Variants in TTC28 observed in about 807,000 individuals in gnomAD.
The protein encoded by TTC28 is tetratricopeptide repeat protein 28.
In TTC28, 61 loss-of-function variants were observed where a neutral mutation model predicts 198.0. That is an observed-to-expected ratio of 0.31 (90% CI 0.25 to 0.38). The LOEUF (loss-of-function observed/expected upper bound fraction) is 0.38. Ranked by LOEUF, TTC28 falls within the 10% of genes least tolerant of loss-of-function variation. The probability of loss-of-function intolerance (pLI) is 1.00; values close to 1 mark genes in which losing one functional copy is unlikely to be tolerated. For missense variants in TTC28, 2,678 were observed against 3,164.0 expected (o/e 0.85, Z 3.69); for synonymous variants, 1,171 against 1,297.8 (o/e 0.90, Z 2.10).
chr22:28,119,686 C>A (rs536863928), intron 6 of TTC28, among the ~76,000 whole-genome samples: 2 of 152,282 alleles, frequency 1.3e-5, no homozygotes, highest in Admixed American at 1.3e-4. Flanking sequence ...GTGGGAAAAT[C>A]CTACACAATG....
At chr22:28,236,101 A>G (rs534566761) in intron 5 of TTC28, among the ~76,000 whole-genome samples, 2 of 152,280 alleles carry the variant, frequency 1.3e-5, no homozygotes, top group South Asian at 4.1e-4. Flanking sequence ...GATTACATGG[A>G]AGCAACATCT....
chr22:28,591,616 T>C (rs2050436965), intron 2 of TTC28, among the ~76,000 whole-genome samples: 1 of 152,282 alleles, frequency 6.6e-6, no homozygotes, highest in Middle Eastern at 3.4e-3. Flanking sequence ...GTTATAAAAA[T>C]AGTACAAAGG....
intron 2 of TTC28, among the ~76,000 whole-genome samples, chr22:28,504,902 T>TA (rs2048586929): frequency 1.3e-5 from 2 of 152,212 alleles, no homozygotes; most frequent in Non-Finnish European, 2.9e-5. Context: ...AATTCTTTTT[T>TA]TATATATATT....
intron 2 of TTC28, among the ~76,000 whole-genome samples, chr22:28,378,658 C>CAAA (rs879547968): frequency 1.4e-5 from 2 of 139,820 alleles, no homozygotes; most frequent in Non-Finnish European, 3.1e-5. Flanking sequence ...AAAACAACAA[C>CAAA]AAAAAAAAAA....
chr22:28,536,057 G>T (rs1293138059), intron 2 of TTC28, among the ~76,000 whole-genome samples: 1 of 150,606 alleles, frequency 6.6e-6, no homozygotes, highest in African/African-American at 2.4e-5. Context: ...AATTAGCTTG[G>T]CTTGGTGGCG....
At chr22:28,329,912 C>T (rs2045589125) in intron 2 of TTC28, among the ~76,000 whole-genome samples, 1 of 152,188 alleles carries the variant, frequency 6.6e-6, no homozygotes, top group Admixed American at 6.6e-5. Context: ...CTCTCTTCTC[C>T]TGACAATTTG....
At chr22:28,266,240 G>T (rs1438163262) in intron 5 of TTC28, among the ~76,000 whole-genome samples, 2 of 151,580 alleles carry the variant, frequency 1.3e-5, no homozygotes, top group Non-Finnish European at 2.9e-5. Flanking sequence ...GTATGAAAAA[G>T]TTAGCTAAGC....
At chr22:28,170,381 C>T (rs1428203631) in intron 5 of TTC28, among the ~76,000 whole-genome samples, 2 of 150,532 alleles carry the variant, frequency 1.3e-5, no homozygotes, top group Admixed American at 6.6e-5. Context: ...CCCACCTACT[C>T]GGGAGGCTGA....
intron 2 of TTC28, among the ~76,000 whole-genome samples, chr22:28,479,754 CT>C (rs2048219478): frequency 6.6e-6 from 1 of 152,102 alleles, no homozygotes; most frequent in Non-Finnish European, 1.5e-5. Flanking sequence ...CCATTCTCCC[CT>C]ACCCCTAACT....
chr22:28,554,336 T>G (rs911500240), intron 2 of TTC28, among the ~76,000 whole-genome samples: 1 of 111,164 alleles, frequency 9.0e-6, no homozygotes, highest in Non-Finnish European at 1.8e-5. Flanking sequence ...CCCTGCCAAA[T>G]CCCCCTCTGC....
At chr22:28,259,586 A>C (rs1931181886) in intron 5 of TTC28, among the ~76,000 whole-genome samples, 1 of 152,026 alleles carries the variant, frequency 6.6e-6, no homozygotes, top group Non-Finnish European at 1.5e-5. Context: ...ATTGTAGATA[A>C]CCTCAGATCA....
intron 2 of TTC28, among the ~76,000 whole-genome samples, chr22:28,539,656 TAGAC>T (rs1320870324): frequency 2.1e-5 from 3 of 145,440 alleles, no homozygotes; most frequent in South Asian, 2.2e-4. Flanking sequence ...AGGAAAGAAA[TAGAC>T]AGAGAAAGAG....
At chr22:28,152,870 T>C (rs545436927) in intron 6 of TTC28, among the ~76,000 whole-genome samples, 98 of 152,284 alleles carry the variant, frequency 6.4e-4, no homozygotes, top group Non-Finnish European at 1.1e-3. Context: ...AATTAAAATG[T>C]AAAAAACATT....
At chr22:28,176,647 T>C (rs546106826) in intron 5 of TTC28, among the ~76,000 whole-genome samples, 9 of 152,318 alleles carry the variant, frequency 5.9e-5, no homozygotes, top group South Asian at 2.1e-4. Flanking sequence ...TTATACAACA[T>C]AGATATGTAT....
At chr22:28,311,368 A>C (rs1451399708) in intron 2 of TTC28, among the ~76,000 whole-genome samples, 1 of 152,174 alleles carries the variant, frequency 6.6e-6, no homozygotes, top group East Asian at 1.9e-4. Context: ...CAAAAGCAAA[A>C]ATGATTATAA....
rs141131931 is a variant in TTC28 at position 28,606,587 on chromosome 22, T to C, written c.381+22965A>G. ...GGGTGAGCAACAGACATGAGGGAAA[T>C]ATAATTTTTATTGTTTGAAATTTTT... On this transcript the variant is annotated intron_variant, in intron 2 of 22. Transcript: ENST00000397906. Among the ~76,000 whole-genome samples, 9 of 152,192 alleles carry C rather than the reference T, an allele frequency of 5.9e-5. No individual in the cohort carries two copies. The East Asian group carries it at 1.7e-3, about 29-fold the overall frequency.
At chr22:28,383,810 C>T (rs1189321971) in intron 2 of TTC28, among the ~76,000 whole-genome samples, 1 of 152,180 alleles carries the variant, frequency 6.6e-6, no homozygotes, top group Non-Finnish European at 1.5e-5. Flanking sequence ...GTCCTCACAG[C>T]CTATTTTTCA....
At chr22:28,553,583 C>T (rs1273510573) in intron 2 of TTC28, among the ~76,000 whole-genome samples, 14 of 146,348 alleles carry the variant, frequency 9.6e-5, no homozygotes, top group East Asian at 4.3e-4. Context: ...GGAGCCCCTC[C>T]GCCCGGCAGC....
At chr22:28,407,470 G>GCA (rs1491131323) in intron 2 of TTC28, among the ~76,000 whole-genome samples, 16 of 136,848 alleles carry the variant, frequency 1.2e-4, no homozygotes, top group African/African-American at 4.7e-4. Flanking sequence ...ACACATGCGT[G>GCA]CGCACACACA....
Sources: allele counts gnomAD v4.1 joint callset (sites outside exome capture counted in the v4.1 genomes callset), GRCh38; gene constraint gnomAD v4.1.1; transcripts MANE v1.5; gene names NCBI Gene and HGNC (gene_info 2026-07-23, HGNC 2026-07-21).